The following GRIN2B variants were observed in gnomAD, a reference collection of about 807,000 sequenced individuals.
GRIN2B encodes glutamate ionotropic receptor NMDA type subunit 2B.
A neutral mutation model predicts 114.5 loss-of-function variants in GRIN2B; 5 were observed. That is an observed-to-expected ratio of 0.04 (90% CI 0.02 to 0.09). GRIN2B has a LOEUF of 0.09. Ranked by LOEUF, GRIN2B falls within the 10% of genes least tolerant of loss-of-function variation. The pLI is 1.00. For synonymous variants in GRIN2B, 787 were observed against 745.1 expected, an observed-to-expected ratio of 1.06 and a Z score of -0.92; for missense variants, 1,108 against 1,943.5, an observed-to-expected ratio of 0.57 and a Z score of 8.08.
intron 4 of GRIN2B, among the ~76,000 whole-genome samples, chr12:13,741,305 C>T (rs1391993624): frequency 6.6e-6 from 1 of 152,200 alleles, no homozygotes; most frequent in Non-Finnish European, 1.5e-5. Context: ...GCTGGGATTA[C>T]AGGCGTGAGC....
intron 4 of GRIN2B, among the ~76,000 whole-genome samples, chr12:13,711,233 T>C (rs1207111080): frequency 6.6e-6 from 1 of 151,740 alleles, no homozygotes; most frequent in Non-Finnish European, 1.5e-5. Flanking sequence ...TAATTCAAGA[T>C]GGATTAAAGA....
chr12:13,819,854 A>C (rs1864899824), intron 3 of GRIN2B, among the ~76,000 whole-genome samples: 1 of 152,190 alleles, frequency 6.6e-6, no homozygotes, highest in Non-Finnish European at 1.5e-5. Flanking sequence ...TTCCCTTAAT[A>C]AAATGAAATC....
At chr12:13,580,837 C>T (rs976090506) in intron 10 of GRIN2B, among the ~76,000 whole-genome samples, 7 of 152,218 alleles carry the variant, frequency 4.6e-5, no homozygotes, top group African/African-American at 1.4e-4. Context: ...TCAAGTCACA[C>T]ACTCCCTTTG....
chr12:13,643,475 G>C (rs1196136933), intron 5 of GRIN2B, among the ~76,000 whole-genome samples: 1 of 152,134 alleles, frequency 6.6e-6, no homozygotes, highest in Non-Finnish European at 1.5e-5. Context: ...TTTTGCTGGA[G>C]GAGGATCTCG....
At chr12:13,716,308 G>A (rs1005806773) in intron 4 of GRIN2B, among the ~76,000 whole-genome samples, 1 of 151,816 alleles carries the variant, frequency 6.6e-6, no homozygotes, top group Admixed American at 6.6e-5. Flanking sequence ...ATAGTGTAGG[G>A]AGGTGAAGTC....
chr12:13,706,977 T>C (rs778697553), intron 4 of GRIN2B, among the ~76,000 whole-genome samples: 2 of 152,128 alleles, frequency 1.3e-5, no homozygotes, highest in Non-Finnish European at 2.9e-5. Context: ...AGCTTGGCTA[T>C]AGAGAGGCAA....
At chr12:13,700,479 T>C (rs979451668) in intron 4 of GRIN2B, among the ~76,000 whole-genome samples, 3 of 152,244 alleles carry the variant, frequency 2.0e-5, no homozygotes, top group East Asian at 3.9e-4. Context: ...TACCCTTAAC[T>C]CTGGATTGGG....
rs1164899803 is a variant in GRIN2B at position 13,796,345 on chromosome 12, G to C, written c.412-42430C>G. On this transcript the variant is annotated intron_variant, in intron 3 of 13. Coordinates refer to ENST00000609686, the MANE Select transcript of GRIN2B (RefSeq NM_000834.5). ...ACCCCAGTCTCTGAGGCTCCAACTGGGTCATCAGCCAGACTCCTTGGATAT... is the reference window on the plus strand; with the variant it reads ...ACCCCAGTCTCTGAGGCTCCAACTGCGTCATCAGCCAGACTCCTTGGATAT... 1.3e-5 allele frequency among the ~76,000 whole-genome samples: 2 copies of C among 152,122 alleles called. 1 individual carries two copies. Among genetic ancestry groups the C allele is most frequent in the Non-Finnish European group, 2.9e-5 (2 of 68,026 alleles).
At chr12:13,961,816 G>A (rs1867697163) in intron 2 of GRIN2B, among the ~76,000 whole-genome samples, 1 of 152,070 alleles carries the variant, frequency 6.6e-6, no homozygotes, top group Admixed American at 6.5e-5. Flanking sequence ...AGAAGTCAGA[G>A]GCTGTCTTCC....
Position 13,539,709 on chromosome 12 carries a change from T to C in GRIN2B, c.*23074A>G, listed in dbSNP as rs888300253. The C allele has an allele frequency of 6.6e-6, 1 of 152,234 alleles. No individual in the cohort carries two copies. Among genetic ancestry groups the C allele is most frequent in the African/African-American group, 2.4e-5 (1 of 41,464 alleles). 9.4% of individuals were successfully genotyped at this position (152,234 alleles called of 1,614,324 possible). A position where few individuals can be genotyped will look rare whatever the true frequency, so the allele number is the denominator to read the frequency against. On this transcript the variant is annotated 3_prime_UTR_variant, in exon 14 of 14. Transcript: ENST00000609686. ...CTGTGGGAACCTCTAAAGGATAAAG[T>C]GCTCTATTCCTTTAACAAGTATATG...
In GRIN2B at chr12:13,882,204, A is replaced by C. The variant is rs539430350; in HGVS notation, c.-18-15978T>G. On this transcript the variant is annotated intron_variant, in intron 2 of 13. Transcript: ENST00000609686. ...GAGGAAGGGACACAGTTCCTGACCT[A>C]GAATGCTCTTGAAGGGTAGGAGATT... Among the ~76,000 whole-genome samples, 6 of 152,354 alleles carry C rather than the reference A, an allele frequency of 3.9e-5. No homozygotes were observed. In the South Asian group the frequency reaches 1.2e-3, roughly 32 times the overall value.
chr12:13,978,694 T>A (rs1457919711), intron 2 of GRIN2B, among the ~76,000 whole-genome samples: 1 of 152,228 alleles, frequency 6.6e-6, no homozygotes, highest in Non-Finnish European at 1.5e-5. Context: ...TATCCCAACC[T>A]GATCCCTGCA....
intron 4 of GRIN2B, among the ~76,000 whole-genome samples, chr12:13,741,627 C>T (rs986868704): frequency 3.3e-5 from 5 of 152,184 alleles, no homozygotes; most frequent in African/African-American, 1.2e-4. Flanking sequence ...ATGATCATGG[C>T]TCACTGCAGC....
At chr12:13,754,367 C>T (rs1486023601) in intron 3 of GRIN2B, among the ~76,000 whole-genome samples, 1 of 152,190 alleles carries the variant, frequency 6.6e-6, no homozygotes, top group African/African-American at 2.4e-5. Flanking sequence ...CACACACATA[C>T]ATACTTTCCA....
At chr12:13,893,402 G>C (rs1193700065) in intron 2 of GRIN2B, among the ~76,000 whole-genome samples, 1 of 151,884 alleles carries the variant, frequency 6.6e-6, no homozygotes, top group Non-Finnish European at 1.5e-5. Context: ...TAATAAAATA[G>C]AAAAATCCTT....
At chr12:13,742,552 T>C (rs1466364229) in intron 4 of GRIN2B, among the ~76,000 whole-genome samples, 1 of 152,208 alleles carries the variant, frequency 6.6e-6, no homozygotes, top group Non-Finnish European at 1.5e-5. Flanking sequence ...TACCCCAGCC[T>C]CTCAAGTAGC....
rs1948353866 is a variant in GRIN2B, at chr12:13,547,076, AG to A, written c.*15706del. ...AGAAAACCATGAAAAATTACTGTCA[AG>A]GGTTTCTTTTAACAGTCTGATAGTT... On this transcript the variant is annotated 3_prime_UTR_variant, in exon 14 of 14. Coordinates refer to ENST00000609686, the MANE Select transcript of GRIN2B (RefSeq NM_000834.5). 3 of 152,314 alleles carry A rather than the reference AG, an allele frequency of 2.0e-5. No homozygotes were observed. The South Asian group carries it at 6.2e-4, about 32-fold the overall frequency. 9.4% of individuals were successfully genotyped at this position (152,314 alleles called of 1,614,324 possible). A position where few individuals can be genotyped will look rare whatever the true frequency, so the allele number is the denominator to read the frequency against.
intron 2 of GRIN2B, among the ~76,000 whole-genome samples, chr12:13,889,942 T>C (rs1866229926): frequency 6.6e-6 from 1 of 152,178 alleles, no homozygotes; most frequent in Non-Finnish European, 1.5e-5. Context: ...GATTTCATCT[T>C]GCCTAGACTT....
intron 3 of GRIN2B, among the ~76,000 whole-genome samples, chr12:13,784,891 T>G (rs1864196587): frequency 6.6e-6 from 1 of 152,212 alleles, no homozygotes; most frequent in Non-Finnish European, 1.5e-5. Flanking sequence ...GTGAGTCCAG[T>G]TGAGACTAGA....
Sources: gnomAD v4.1 joint callset for allele counts (sites outside exome capture counted in the v4.1 genomes callset) on GRCh38, gnomAD v4.1.1 for gene constraint, MANE v1.5 for transcripts, NCBI Gene and HGNC (gene_info 2026-07-23, HGNC 2026-07-21) for gene names.